The following PRKG1 variants were observed in gnomAD, a reference collection of about 807,000 sequenced individuals.
PRKG1 encodes protein kinase cGMP-dependent 1.
Under a neutral mutation model 88.1 loss-of-function variants are expected in PRKG1, and 35 were observed. That is an observed-to-expected ratio of 0.40 (90% CI 0.30 to 0.53). The LOEUF (loss-of-function observed/expected upper bound fraction) is 0.53. PRKG1 is among the 20% of genes least tolerant of loss of function. PRKG1 has a pLI of 0.59. For synonymous variants in PRKG1, 303 were observed against 292.5 expected, an observed-to-expected ratio of 1.04 and a Z score of -0.37; for missense variants, 540 against 839.8, an observed-to-expected ratio of 0.64 and a Z score of 4.41.
At chr10:52,222,707 T>C (rs1048759668) in intron 9 of PRKG1, among the ~76,000 whole-genome samples, 1 of 152,216 alleles carries the variant, frequency 6.6e-6, no homozygotes, top group African/African-American at 2.4e-5. Flanking sequence ...TAGTCATTTC[T>C]TGTAACAATT....
chr10:51,423,617 G>T (rs1838482730), intron 2 of PRKG1, among the ~76,000 whole-genome samples: 1 of 151,932 alleles, frequency 6.6e-6, no homozygotes, highest in South Asian at 2.1e-4. Context: ...TCCTTGTAAT[G>T]ATCTCAATAT....
intron 9 of PRKG1, among the ~76,000 whole-genome samples, chr10:52,169,664 G>A (rs558771443): frequency 6.6e-6 from 1 of 152,340 alleles, no homozygotes; most frequent in East Asian, 1.9e-4. Context: ...GCAAACCAGT[G>A]GGTTCAGTTT....
chr10:51,252,289 T>C (rs2132143376), intron 2 of PRKG1, among the ~76,000 whole-genome samples: 1 of 151,964 alleles, frequency 6.6e-6, no homozygotes, highest in East Asian at 1.9e-4. Flanking sequence ...GGAATAAATT[T>C]CATTGATTTT....
chr10:51,951,321 T>C (rs1339530930), intron 5 of PRKG1, among the ~76,000 whole-genome samples: 1 of 152,168 alleles, frequency 6.6e-6, no homozygotes, highest in Non-Finnish European at 1.5e-5. Flanking sequence ...TATATATTGA[T>C]TAAAGCTATG....
At chr10:51,693,434 A>AC (rs11481150) in intron 3 of PRKG1, among the ~76,000 whole-genome samples, 152,152 of 152,154 alleles carry the variant, frequency 1, 76,075 homozygotes, top group Middle Eastern at 1. Context: ...ACAGAGTCTC[A>AC]TCTGTTGCCC....
At chr10:51,226,625 C>T (rs1838700204) in intron 2 of PRKG1, among the ~76,000 whole-genome samples, 1 of 152,102 alleles carries the variant, frequency 6.6e-6, no homozygotes, top group Non-Finnish European at 1.5e-5. Flanking sequence ...TAATAGCATA[C>T]TAATACAATT....
intron 3 of PRKG1, among the ~76,000 whole-genome samples, chr10:51,721,252 T>G (rs1842007945): frequency 6.6e-6 from 1 of 151,370 alleles, no homozygotes; most frequent in Non-Finnish European, 1.5e-5. Flanking sequence ...AGTAAAACAC[T>G]TAACATTGGC....
intron 5 of PRKG1, among the ~76,000 whole-genome samples, chr10:51,974,237 A>G (rs1410900518): frequency 6.6e-6 from 1 of 152,130 alleles, no homozygotes; most frequent in Non-Finnish European, 1.5e-5. Flanking sequence ...GAACAGCATT[A>G]GGGTTCTGTT....
At chr10:51,765,902 G>A (rs1023247054) in intron 3 of PRKG1, among the ~76,000 whole-genome samples, 5 of 150,722 alleles carry the variant, frequency 3.3e-5, no homozygotes, top group Non-Finnish European at 5.9e-5. Context: ...TAAAACACAG[G>A]AATTCATTTT....
At chr10:51,291,585 A>G (rs1289061369) in intron 2 of PRKG1, among the ~76,000 whole-genome samples, 1 of 152,098 alleles carries the variant, frequency 6.6e-6, no homozygotes, top group Admixed American at 6.6e-5. Context: ...GAGAATGGCT[A>G]CCTTGCAATC....
chr10:51,300,295 T>C (rs1015524193), intron 2 of PRKG1, among the ~76,000 whole-genome samples: 7 of 152,196 alleles, frequency 4.6e-5, no homozygotes, highest in Admixed American at 3.9e-4. Flanking sequence ...GTTTTCTGTA[T>C]CATACACAGT....
Position 51,002,207 on chromosome 10 carries a change from C to T in PRKG1, c.266+10563C>T, listed in dbSNP as rs2132715956. On this transcript the variant is annotated intron_variant, in intron 1 of 17. Coordinates refer to the PRKG1 transcript ENST00000401604. ...AAAAAAAAAAGTATGTGTGAGGAGA[C>T]TAAAGGAATGGCTTCCTATTCACTC... is the stretch of plus-strand genomic sequence containing the variant. 2.6e-5 allele frequency among the ~76,000 whole-genome samples: 4 copies of T among 151,502 alleles called. No individual in the cohort carries two copies. The Middle Eastern group carries it at 0.01, about 386-fold the overall frequency.
chr10:51,488,020 A>G (rs1840597836), intron 3 of PRKG1, among the ~76,000 whole-genome samples: 1 of 152,166 alleles, frequency 6.6e-6, no homozygotes, highest in Admixed American at 6.6e-5. Context: ...TATATCGATA[A>G]TACATGGTTC....
chr10:51,831,136 C>T (rs1298232986), intron 4 of PRKG1, among the ~76,000 whole-genome samples: 1 of 152,024 alleles, frequency 6.6e-6, no homozygotes, highest in Admixed American at 6.6e-5. Flanking sequence ...ATTCCCTGTT[C>T]TTAGGTATAT....
At chr10:51,827,313 T>G (rs1839902906) in intron 4 of PRKG1, among the ~76,000 whole-genome samples, 2 of 152,138 alleles carry the variant, frequency 1.3e-5, no homozygotes, top group Admixed American at 1.3e-4. Context: ...TTTTGGCTAA[T>G]TTTTATTCAT....
chr10:52,275,073 G>T (rs1248149428), intron 12 of PRKG1, among the ~76,000 whole-genome samples: 2 of 152,086 alleles, frequency 1.3e-5, no homozygotes, highest in Non-Finnish European at 2.9e-5. Flanking sequence ...TGGAGATTCT[G>T]GATATTAGTC....
intron 5 of PRKG1, 150 bp downstream of exon 5, chr10:51,907,720 A>G (rs1334668124): frequency 3.6e-6 from 2 of 552,780 alleles, no homozygotes; most frequent in Non-Finnish European, 6.3e-6. Flanking sequence ...GGCTTCGTAT[A>G]GAAAGCAGCT....
intron 9 of PRKG1, among the ~76,000 whole-genome samples, chr10:52,251,268 C>T (rs1038934885): frequency 5.9e-5 from 9 of 152,192 alleles, no homozygotes; most frequent in Middle Eastern, 6.8e-3. Flanking sequence ...CACAAGAAGA[C>T]GCGTAGAAAA....
Position 51,981,543 on chromosome 10 carries a change from G to A in PRKG1, c.763-72941G>A, listed in dbSNP as rs868154190. Among the ~76,000 whole-genome samples the A allele has an allele frequency of 9.9e-5, 15 of 152,106 alleles. No homozygotes were observed. The East Asian group carries it at 1.2e-3, about 12-fold the overall frequency. ...ATAGGTTGGAGTTAGCCAAGATCACGCCACTGTGCTTCAGCTTGGGTGACA... is the reference window on the plus strand; with the variant it reads ...ATAGGTTGGAGTTAGCCAAGATCACACCACTGTGCTTCAGCTTGGGTGACA... On this transcript the variant is annotated intron_variant, in intron 5 of 17. Transcript: ENST00000373980.
Sources: gnomAD v4.1 joint callset for allele counts (sites outside exome capture counted in the v4.1 genomes callset) on GRCh38, gnomAD v4.1.1 for gene constraint, MANE v1.5 for transcripts, NCBI Gene and HGNC (gene_info 2026-07-23, HGNC 2026-07-21) for gene names.